Variants in SGCD observed in about 807,000 individuals in gnomAD.
The protein encoded by SGCD is delta-sarcoglycan.
In SGCD, 18 loss-of-function variants were observed where a neutral mutation model predicts 36.6. The observed-to-expected ratio is 0.49, with a 90% CI of 0.34 to 0.73. The LOEUF is 0.73. SGCD is among the 30% of genes least tolerant of loss of function. The probability of loss-of-function intolerance (pLI) is 0.01; values close to 1 mark genes in which losing one functional copy is unlikely to be tolerated. For synonymous variants in SGCD, 133 were observed against 130.6 expected (o/e 1.02, Z -0.12); for missense variants, 387 against 346.7 (o/e 1.12, Z -0.92).
chr5:156,650,610 GTTAAC>G (rs138183547), intron 7 of SGCD, among the ~76,000 whole-genome samples: 8,073 of 151,354 alleles, frequency 0.053, 557 homozygotes, highest in East Asian at 0.16. Flanking sequence ...CTGTTCCTGT[GTTAAC>G]TTAAGATAAT....
At chr5:156,334,072 T>A (rs972586349) in intron 2 of SGCD, among the ~76,000 whole-genome samples, 1 of 152,122 alleles carries the variant, frequency 6.6e-6, no homozygotes, top group African/African-American at 2.4e-5. Context: ...ATGTTCCCTT[T>A]AGGCCTTGTG....
At chr5:155,972,965 G>A (rs917689132) in intron 1 of SGCD, among the ~76,000 whole-genome samples, 4 of 151,916 alleles carry the variant, frequency 2.6e-5, no homozygotes, top group Admixed American at 6.6e-5. Context: ...CACATATGTC[G>A]TTAATCTTTT....
At chr5:156,646,052 G>A (rs1763212316) in intron 6 of SGCD, among the ~76,000 whole-genome samples, 1 of 152,126 alleles carries the variant, frequency 6.6e-6, no homozygotes. Context: ...AGGTCACTCA[G>A]CTAATGAGTG....
intron 3 of SGCD, among the ~76,000 whole-genome samples, chr5:156,397,712 C>T (rs554013600): frequency 7.2e-5 from 11 of 152,288 alleles, no homozygotes; most frequent in Admixed American, 5.9e-4. Flanking sequence ...CTTAAATGTA[C>T]AAGTTAACCA....
chr5:156,294,552 C>T (rs1289850406), intron 3 of SGCD, among the ~76,000 whole-genome samples: 1 of 152,148 alleles, frequency 6.6e-6, no homozygotes, highest in Non-Finnish European at 1.5e-5. Context: ...AGTCTTCTTG[C>T]CTTGATTCTA....
chr5:156,041,704 G>T (rs1228930885), intron 1 of SGCD, among the ~76,000 whole-genome samples: 14 of 152,102 alleles, frequency 9.2e-5, no homozygotes, highest in Admixed American at 9.2e-4. Context: ...GAGAAGTGAG[G>T]CATGTGTTGC....
intron 1 of SGCD, among the ~76,000 whole-genome samples, chr5:155,937,242 T>C (rs1014347934): frequency 4.6e-5 from 7 of 152,136 alleles, no homozygotes; most frequent in Non-Finnish European, 1.0e-4. Flanking sequence ...ACTGGCTCCA[T>C]AGAGCATGCA....
intron 1 of SGCD, among the ~76,000 whole-genome samples, chr5:156,106,671 C>T (rs796771242): frequency 2.6e-5 from 4 of 152,260 alleles, no homozygotes; most frequent in African/African-American, 9.6e-5. Context: ...CTTTGAGGCA[C>T]ACTAATAAAA....
At chr5:156,468,881 A>T (rs1451333787) in intron 3 of SGCD, among the ~76,000 whole-genome samples, 2 of 152,082 alleles carry the variant, frequency 1.3e-5, no homozygotes, top group Non-Finnish European at 2.9e-5. Context: ...AATCCCAACT[A>T]CTCAGGAGAC....
chr5:155,738,871 G>A, the SGCD span, among the ~76,000 whole-genome samples: 9 of 147,850 alleles, frequency 6.1e-5, no homozygotes, highest in South Asian at 2.1e-4. Context: ...GTGTGAGTGC[G>A]TGTGAGAGAG....
At chr5:155,733,082 G>T in the SGCD span, among the ~76,000 whole-genome samples, 5 of 150,208 alleles carry the variant, frequency 3.3e-5, no homozygotes. Context: ...ATGCTCCTTC[G>T]GTGCATGAGT....
At chr5:156,507,616 C>A (rs1463184635) in intron 3 of SGCD, among the ~76,000 whole-genome samples, 1 of 152,108 alleles carries the variant, frequency 6.6e-6, no homozygotes, top group Admixed American at 6.5e-5. Context: ...GATGTAACTA[C>A]CAATTTACAG....
At chr5:156,133,906 C>G (rs866969180) in intron 3 of SGCD, among the ~76,000 whole-genome samples, 1 of 130,726 alleles carries the variant, frequency 7.6e-6, no homozygotes, top group African/African-American at 3.0e-5. Flanking sequence ...TCTTATTTGC[C>G]GGGTTAAAAC....
At chr5:155,798,460 A>G in the SGCD span, among the ~76,000 whole-genome samples, 1 of 152,180 alleles carries the variant, frequency 6.6e-6, no homozygotes, top group Non-Finnish European at 1.5e-5. Context: ...CCATCACACT[A>G]TTTCTATAGA....
At chr5:155,854,579 A>G in the SGCD span, among the ~76,000 whole-genome samples, 1 of 152,166 alleles carries the variant, frequency 6.6e-6, no homozygotes, top group East Asian at 1.9e-4. Context: ...TTGTTGGACC[A>G]AATGTTTCTG....
chr5:155,862,128 C>A, the SGCD span, among the ~76,000 whole-genome samples: 2 of 152,074 alleles, frequency 1.3e-5, no homozygotes, highest in East Asian at 1.9e-4. Flanking sequence ...TTGCTGAGAA[C>A]AACTGTGTAT....
chr5:156,510,376 C>T (rs1446067998), intron 4 of SGCD, among the ~76,000 whole-genome samples: 1 of 152,084 alleles, frequency 6.6e-6, no homozygotes, highest in African/African-American at 2.4e-5. Context: ...CAGTTTAAAG[C>T]ATTTAAAAAA....
chr5:156,734,302 G>T (rs935197341), intron 7 of SGCD, among the ~76,000 whole-genome samples: 1 of 145,446 alleles, frequency 6.9e-6, no homozygotes, highest in Non-Finnish European at 1.5e-5. Flanking sequence ...CCCTCCAGCT[G>T]CCTTTAACTT....
At position 156,065,480 on chromosome 5, in the gene SGCD, C is replaced by G. The variant is rs1228013579; in HGVS notation, c.-281-52398C>G. Among the ~76,000 whole-genome samples, 48 of 102,516 alleles carry G rather than the reference C, an allele frequency of 4.7e-4. 1 individual carries two copies. Among genetic ancestry groups the G allele is most frequent in the Non-Finnish European group, 7.1e-4 (37 of 51,926 alleles). The allele number at this position is 102,516 out of a possible 152,430, so 67.3% of individuals were successfully genotyped here. On this transcript the variant is annotated intron_variant, in intron 1 of 9. Transcript: ENST00000517913. ...CTTGGTGCAGAGCTGAGTTCAATTC[C>G]TGGGTATCCTTGTTGACTTTCTGTC...
Sources: gnomAD v4.1 joint callset for allele counts (sites outside exome capture counted in the v4.1 genomes callset) on GRCh38, gnomAD v4.1.1 for gene constraint, MANE v1.5 for transcripts, NCBI Gene and HGNC (gene_info 2026-07-23, HGNC 2026-07-21) for gene names.